The following ATXN8OS variants were observed in gnomAD, a reference collection of about 807,000 sequenced individuals.
ATXN8OS encodes ATXN8 opposite strand (non-protein coding).
In ATXN8OS at chr13:70,120,374, T is replaced by C. The variant is rs556840029; in HGVS notation, n.398+5076T>C. On this transcript the variant is annotated intron_variant and non_coding_transcript_variant, in intron 2 of 4. Coordinates refer to ENST00000678624, the Ensembl canonical transcript of ATXN8OS. ...CCTTTAATTAAGTTAGTGATTTAAC[T>C]AATGTAACATTTGGTTAGAACAAGA... Among the ~76,000 whole-genome samples the C allele has an allele frequency of 8.8e-4, 134 of 152,318 alleles. 1 individual carries two copies. Among genetic ancestry groups the C allele is most frequent in the South Asian group, 1.7e-3 (8 of 4,832 alleles).
intron 3 of ATXN8OS, among the ~76,000 whole-genome samples, chr13:70,147,158 T>C (rs1888797434): frequency 6.6e-6 from 1 of 152,166 alleles, no homozygotes; most frequent in South Asian, 2.1e-4. Context: ...CAATGAATTA[T>C]ATAAAGATAA....
intron 2 of ATXN8OS, among the ~76,000 whole-genome samples, chr13:70,127,881 T>C (rs1451002967): frequency 6.6e-6 from 1 of 152,082 alleles, no homozygotes; most frequent in Non-Finnish European, 1.5e-5. Flanking sequence ...GTTTACTTAA[T>C]TGTAGATAGA....
chr13:70,164,055 C>CTTATTA (rs56827181), intron 4 of ATXN8OS, among the ~76,000 whole-genome samples: 79 of 29,090 alleles, frequency 2.7e-3, no homozygotes, highest in Middle Eastern at 0.023. Context: ...AGTTTTTATT[C>CTTATTA]TTATTATTAT....
At chr13:70,118,033 G>A (rs1467136001) in intron 2 of ATXN8OS, among the ~76,000 whole-genome samples, 3 of 151,956 alleles carry the variant, frequency 2.0e-5, no homozygotes, top group South Asian at 2.1e-4. Context: ...GACAAAAATT[G>A]AAAATCAATC....
intron 3 of ATXN8OS, among the ~76,000 whole-genome samples, chr13:70,142,022 G>C (rs1028824132): frequency 6.6e-6 from 1 of 151,976 alleles, no homozygotes; most frequent in Non-Finnish European, 1.5e-5. Flanking sequence ...TAGCTGGGAG[G>C]ACAGGCACAC....
At chr13:70,122,005 C>T (rs1888366173) in intron 2 of ATXN8OS, among the ~76,000 whole-genome samples, 2 of 151,852 alleles carry the variant, frequency 1.3e-5, no homozygotes, top group Admixed American at 1.3e-4. Flanking sequence ...ATTATATAAC[C>T]TGTGCACATT....
rs74596554 is a variant in ATXN8OS at position 70,158,082 on chromosome 13, G to C, written n.573+10654G>C. Among the ~76,000 whole-genome samples the C allele has an allele frequency of 4.4e-3, 673 of 152,216 alleles. 3 individuals are homozygous for C. The highest frequency in any genetic ancestry group is 7.5e-3 in the Admixed American group (114 of 15,280). On this transcript the variant is annotated intron_variant and non_coding_transcript_variant, in intron 4 of 4. Coordinates refer to ENST00000678624, the Ensembl canonical transcript of ATXN8OS. ...TAAAGAGGAGATTGTGTGTAAAGCC[G>C]CTAGGAAAAGCCTTGAGATAGGCTT...
intron 3 of ATXN8OS, among the ~76,000 whole-genome samples, chr13:70,139,758 CAT>C (rs1888682366): frequency 3.3e-5 from 5 of 152,096 alleles, no homozygotes; most frequent in Non-Finnish European, 7.4e-5. Flanking sequence ...AGGTGCATAA[CAT>C]AAATTATTTA....
At chr13:70,108,448 A>G (rs1888131856) in intron 1 of ATXN8OS, 1 of 149,540 alleles carries the variant, frequency 6.7e-6, no homozygotes, top group Non-Finnish European at 1.5e-5. Context: ...AGGTCCTCAC[A>G]GTACAATTTT....
chr13:70,139,377 A>AGCTGCTGCTG, intron 3 of ATXN8OS: 1 of 645,386 alleles, frequency 1.5e-6, no homozygotes, highest in Non-Finnish European at 2.6e-6. Flanking sequence ...TACTACTACT[A>AGCTGCTGCTG]CTACTACTGC....
At chr13:70,168,854 A>G (rs771398090) in intron 4 of ATXN8OS, among the ~76,000 whole-genome samples, 3 of 152,096 alleles carry the variant, frequency 2.0e-5, no homozygotes, top group Non-Finnish European at 4.4e-5. Context: ...GCAGTAGTCC[A>G]TGCATCATTT....
At chr13:70,139,322 C>T (rs1888662472) in intron 3 of ATXN8OS, 2 of 614,496 alleles carry the variant, frequency 3.3e-6, no homozygotes, top group Non-Finnish European at 5.7e-6. Flanking sequence ...TGGCTAGACC[C>T]TGGGTCCTTC....
intron 3 of ATXN8OS, among the ~76,000 whole-genome samples, chr13:70,133,239 C>T (rs1888560082): frequency 6.6e-6 from 1 of 151,996 alleles, no homozygotes; most frequent in Non-Finnish European, 1.5e-5. Context: ...GACCTTGTGT[C>T]TACAAAAAGT....
intron 2 of ATXN8OS, among the ~76,000 whole-genome samples, chr13:70,127,172 T>G (rs1888451662): frequency 6.6e-6 from 1 of 151,972 alleles, no homozygotes; most frequent in South Asian, 2.1e-4. Flanking sequence ...TTTATCTCAT[T>G]TTTATGTCAC....
intron 1 of ATXN8OS, among the ~76,000 whole-genome samples, chr13:70,112,920 A>ATATATATATATATTTTT (rs1555298511): frequency 1.1e-5 from 1 of 87,590 alleles, no homozygotes; most frequent in Non-Finnish European, 2.2e-5. Context: ...TATATATATA[A>ATATATATATATATTTTT]TTTTTTTTTT....
chr13:70,164,408 A>G (rs1485700815), intron 4 of ATXN8OS, among the ~76,000 whole-genome samples: 1 of 151,794 alleles, frequency 6.6e-6, no homozygotes, highest in East Asian at 1.9e-4. Flanking sequence ...GTGAGGATGA[A>G]AATAAAAATT....
chr13:70,125,855 C>A (rs1050602230), intron 2 of ATXN8OS, among the ~76,000 whole-genome samples: 2 of 152,086 alleles, frequency 1.3e-5, no homozygotes, highest in African/African-American at 4.8e-5. Flanking sequence ...TTACATATAA[C>A]CGAGAATACC....
At chr13:70,144,325 G>A (rs1888754019) in intron 3 of ATXN8OS, among the ~76,000 whole-genome samples, 1 of 151,972 alleles carries the variant, frequency 6.6e-6, no homozygotes, top group Admixed American at 6.6e-5. Context: ...CTGTAATGTG[G>A]CTCTAATTGT....
intron 4 of ATXN8OS, among the ~76,000 whole-genome samples, chr13:70,161,058 A>G (rs1889003282): frequency 6.6e-6 from 1 of 151,654 alleles, no homozygotes. Flanking sequence ...GTCTGAATTT[A>G]CTTGCTATGA....
Sources: gnomAD v4.1 joint callset for allele counts (sites outside exome capture counted in the v4.1 genomes callset) on GRCh38, gnomAD v4.1.1 for gene constraint, MANE v1.5 for transcripts, NCBI Gene and HGNC (gene_info 2026-07-23, HGNC 2026-07-21) for gene names.